Variants in DLG1 observed in about 807,000 individuals in gnomAD.
The protein encoded by DLG1 is discs large MAGUK scaffold protein 1.
In DLG1, 42 loss-of-function variants were observed where a neutral mutation model predicts 123.4. That is an observed-to-expected ratio of 0.34 (90% confidence interval 0.27 to 0.44). The LOEUF is 0.44. DLG1 is among the 20% of genes least tolerant of loss of function. DLG1 has a pLI of 1.00. For missense variants in DLG1, 942 were observed against 1,082.6 expected (o/e 0.87, Z 1.82); for synonymous variants, 317 against 356.2 (o/e 0.89, Z 1.24).
chr3:197,226,875 A>C (rs1740248862), intron 4 of DLG1, among the ~76,000 whole-genome samples: 1 of 152,242 alleles, frequency 6.6e-6, no homozygotes, highest in Admixed American at 6.5e-5. Flanking sequence ...CTTTGGCAGA[A>C]AAGCTATCAT....
chr3:197,280,337 TTGTGTGTGTGTGTGTGTG>T (rs10575004), intron 4 of DLG1, among the ~76,000 whole-genome samples: 1 of 150,026 alleles, frequency 6.7e-6, no homozygotes, highest in East Asian at 2.0e-4. Context: ...GTAGTCCATT[TTGTGTGTGTGTGTGTGTG>T]TGTGTGTGTG....
chr3:197,117,146 T>C (rs61127094), intron 12 of DLG1, among the ~76,000 whole-genome samples: 19,802 of 152,070 alleles, frequency 0.13, 1,806 homozygotes, highest in African/African-American at 0.25. Flanking sequence ...ACTTCAGGTC[T>C]ACTAGGATGG....
intron 4 of DLG1, among the ~76,000 whole-genome samples, chr3:197,205,985 A>G (rs1331922287): frequency 6.6e-6 from 1 of 152,188 alleles, no homozygotes; most frequent in African/African-American, 2.4e-5. Context: ...CTTTGGGTCC[A>G]CCCAAATAAT....
At chr3:197,055,400 C>G (rs1242437725) in intron 23 of DLG1, among the ~76,000 whole-genome samples, 1 of 152,096 alleles carries the variant, frequency 6.6e-6, no homozygotes, top group Non-Finnish European at 1.5e-5. Context: ...TTTCCTGTTT[C>G]TTCGTATGTC....
At chr3:197,194,313 G>A in intron 5 of DLG1, 112 bp downstream of exon 5, 1 of 557,322 alleles carries the variant, frequency 1.8e-6, no homozygotes, top group East Asian at 3.4e-5. Flanking sequence ...CTAAAATGGG[G>A]GGGTGGGGTA....
intron 18 of DLG1, among the ~76,000 whole-genome samples, chr3:197,076,280 C>A (rs1006140363): frequency 6.6e-6 from 1 of 152,164 alleles, no homozygotes; most frequent in African/African-American, 2.4e-5. Flanking sequence ...CTAAAATATT[C>A]TTTGAATGTA....
intron 23 of DLG1, among the ~76,000 whole-genome samples, chr3:197,054,273 C>T (rs558486110): frequency 2.6e-5 from 4 of 152,150 alleles, no homozygotes; most frequent in Admixed American, 6.5e-5. Context: ...ATTATATTCA[C>T]GTCTTTCATC....
chr3:197,228,291 T>G (rs534128193), intron 4 of DLG1, among the ~76,000 whole-genome samples: 1 of 152,224 alleles, frequency 6.6e-6, no homozygotes, highest in African/African-American at 2.4e-5. Context: ...TTCAGTTCTG[T>G]GCAGACATGT....
At chr3:197,045,907 TTTAAATAA>T (rs1293851258) in intron 24 of DLG1, among the ~76,000 whole-genome samples, 10 of 152,132 alleles carry the variant, frequency 6.6e-5, no homozygotes, top group African/African-American at 2.2e-4. Flanking sequence ...AAAGGGGGAT[TTTAAATAA>T]TACTGTCTAT....
intron 4 of DLG1, among the ~76,000 whole-genome samples, chr3:197,262,271 C>T (rs1345412571): frequency 6.6e-6 from 1 of 152,092 alleles, no homozygotes; most frequent in African/African-American, 2.4e-5. Context: ...GGAGATCAAG[C>T]TCTATAAAAA....
chr3:197,288,743 A>ATACATAC (rs1553827363), intron 3 of DLG1, among the ~76,000 whole-genome samples: 32 of 72,096 alleles, frequency 4.4e-4, no homozygotes, highest in Non-Finnish European at 6.3e-4. Flanking sequence ...AAAAAAAAAA[A>ATACATAC]ATACATACAT....
chr3:197,177,536 C>T (rs1042169321), intron 5 of DLG1, among the ~76,000 whole-genome samples: 2 of 151,908 alleles, frequency 1.3e-5, no homozygotes, highest in South Asian at 2.1e-4. Context: ...ACCGATAACA[C>T]GGTTAGGTCA....
intron 4 of DLG1, among the ~76,000 whole-genome samples, chr3:197,238,359 C>T (rs548003879): frequency 5.9e-5 from 9 of 151,794 alleles, no homozygotes; most frequent in South Asian, 2.1e-4. Flanking sequence ...TTAAAGTAGG[C>T]GTCATATAAA....
chr3:197,190,032 CA>C (rs1399535144), intron 5 of DLG1, among the ~76,000 whole-genome samples: 4 of 151,894 alleles, frequency 2.6e-5, no homozygotes, highest in Admixed American at 2.6e-4. Context: ...TCAGAATAAA[CA>C]AAAAGCAAGT....
chr3:197,049,875 C>G (rs1370013932), intron 24 of DLG1, among the ~76,000 whole-genome samples: 2 of 152,072 alleles, frequency 1.3e-5, no homozygotes, highest in Non-Finnish European at 2.9e-5. Flanking sequence ...CCAGCCTAGG[C>G]AACATAGCGA....
intron 15 of DLG1, among the ~76,000 whole-genome samples, chr3:197,089,140 G>C (rs1222052990): frequency 6.6e-6 from 1 of 152,226 alleles, no homozygotes; most frequent in East Asian, 1.9e-4. Flanking sequence ...AGTTTGCTAG[G>C]AAAATGGAGG....
At chr3:197,136,849 C>T (rs866797020) in intron 9 of DLG1, among the ~76,000 whole-genome samples, 171 bp from the exon 10 acceptor site, 1 of 152,246 alleles carries the variant, frequency 6.6e-6, no homozygotes, top group African/African-American at 2.4e-5. Context: ...GACACTTAGA[C>T]ATACAGCTGC....
At chr3:197,256,620 T>G (rs1756993451) in intron 4 of DLG1, among the ~76,000 whole-genome samples, 1 of 152,230 alleles carries the variant, frequency 6.6e-6, no homozygotes, top group African/African-American at 2.4e-5. Flanking sequence ...TTTTTACATG[T>G]AAAACATAAG....
At chr3:197,183,653 G>A in intron 5 of DLG1, 6 of 1,550,560 alleles carry the variant, frequency 3.9e-6, no homozygotes, top group Non-Finnish European at 5.2e-6. Context: ...TCTGCTGCCA[G>A]CGTGAAGGTT....
Sources: allele counts gnomAD v4.1 joint callset (sites outside exome capture counted in the v4.1 genomes callset), GRCh38; gene constraint gnomAD v4.1.1; transcripts MANE v1.5; gene names NCBI Gene and HGNC (gene_info 2026-07-23, HGNC 2026-07-21).